ATAD3B: variants seen among roughly 807,000 people sequenced by gnomAD.
ATAD3B encodes the protein ATPase family AAA domain-containing protein 3B.
Under a neutral mutation model 70.2 loss-of-function variants are expected in ATAD3B, and 59 were observed. The observed-to-expected ratio is 0.84, with a 90% confidence interval of 0.68 to 1.04. The LOEUF is 1.04. Ranked by LOEUF, ATAD3B falls within the 50% of genes least tolerant of loss-of-function variation. ATAD3B has a pLI of 0.00. For missense variants in ATAD3B, 961 were observed against 913.4 expected (o/e 1.05, Z -0.67); for synonymous variants, 423 against 388.6 (o/e 1.09, Z -1.04).
At chr1:1,489,546 T>C (rs1640417007) in intron 13 of ATAD3B, 7 of 1,001,704 alleles carry the variant, frequency 7.0e-6, no homozygotes, top group Non-Finnish European at 1.0e-5. Context: ...GCCCCTAGAT[T>C]TCTGCGGTCC....
chr1:1,485,583 A>G (rs1331181224), intron 8 of ATAD3B, among the ~76,000 whole-genome samples, 199 bp from the exon 9 acceptor site: 3 of 152,078 alleles, frequency 2.0e-5, no homozygotes, highest in African/African-American at 7.2e-5. Context: ...ATAAAAGCCA[A>G]TAAGGAACCG....
Position 1,471,807 on chromosome 1 carries a change from T to C in ATAD3B, c.-78T>C. 3.3e-6 allele frequency: 4 copies of C among 1,224,808 alleles called. No individual in the cohort carries two copies. The highest frequency in any genetic ancestry group is 4.1e-6 in the Non-Finnish European group (4 of 981,648). 75.9% of individuals were successfully genotyped at this position (1,224,808 alleles called of 1,614,324 possible). ...GTCCTGGCCACCGGCTCGCGGCGCG[T>C]GGAGGCTGCTCCCAGCCGCGCCCGA... is the stretch of plus-strand genomic sequence containing the variant. On this transcript the variant is annotated 5_prime_UTR_variant, in exon 1 of 16. Transcript: ENST00000673477.
intron 15 of ATAD3B, among the ~76,000 whole-genome samples, chr1:1,491,029 C>G (rs961874970): frequency 3.3e-5 from 5 of 151,948 alleles, no homozygotes; most frequent in African/African-American, 7.2e-5. Flanking sequence ...GGACAGGCCC[C>G]GTGTGAGTTG....
At chr1:1,476,339 T>A (rs1251665470) in intron 1 of ATAD3B, among the ~76,000 whole-genome samples, 5 of 148,662 alleles carry the variant, frequency 3.4e-5, no homozygotes, top group Non-Finnish European at 5.9e-5. Flanking sequence ...CTCCAAAAAT[T>A]ACACCTGAGC....
At chr1:1,505,880 T>A in the ATAD3B span, among the ~76,000 whole-genome samples, 2 of 152,212 alleles carry the variant, frequency 1.3e-5, no homozygotes, top group African/African-American at 4.8e-5. Flanking sequence ...ACTATTCCTA[T>A]TTTATATATT....
At chr1:1,483,471 A>G (rs1570235375) in intron 7 of ATAD3B, 1 of 200,612 alleles carries the variant, frequency 5.0e-6, no homozygotes, top group East Asian at 1.8e-4. Context: ...CTGTCTCAAA[A>G]AAACAAACAA....
chr1:1,491,534 T>G (rs1348914418), intron 15 of ATAD3B, among the ~76,000 whole-genome samples: 2 of 151,632 alleles, frequency 1.3e-5, no homozygotes, highest in East Asian at 3.9e-4. Context: ...CATCTCAAAA[T>G]AAAAGAAAGC....
chr1:1,492,828 A>G (rs1167391354), intron 15 of ATAD3B, among the ~76,000 whole-genome samples: 4 of 151,604 alleles, frequency 2.6e-5, no homozygotes, highest in Non-Finnish European at 4.4e-5. Flanking sequence ...AGTCCCAGCT[A>G]CTCAGGAGGC....
In ATAD3B at chr1:1,489,786, C is replaced by T. The variant is rs936257164; in HGVS notation, c.1338-471C>T. The T allele has an allele frequency of 1.5e-5, 19 of 1,294,988 alleles. 2 individuals are homozygous for T. The highest frequency in any genetic ancestry group is 3.0e-5 in the African/African-American group (2 of 65,680). The allele number at this position is 1,294,988 out of a possible 1,614,324, so 80.2% of individuals were successfully genotyped here. ...GGCTCCTGGGTCAGCTGCTGCCGTT[C>T]GACGCTCCCTGGAGCCCTGACTCAG... On this transcript the variant is annotated intron_variant, in intron 13 of 15. Transcript: ENST00000673477.
chr1:1,473,394 C>T (rs1557788788), intron 1 of ATAD3B, among the ~76,000 whole-genome samples: 1 of 150,862 alleles, frequency 6.6e-6, no homozygotes, highest in Non-Finnish European at 1.5e-5. Flanking sequence ...TTAGTAGAGA[C>T]GGGGTTTCAC....
intron 7 of ATAD3B, chr1:1,483,132 A>G (rs1640012879): frequency 4.9e-6 from 2 of 407,328 alleles, no homozygotes; most frequent in Admixed American, 3.0e-5. Flanking sequence ...TCTACTAAAA[A>G]AAAGAAAAAA....
chr1:1,482,270 C>T lies in ATAD3B; in HGVS notation c.647C>T (p.Ser216Phe), dbSNP rs1484692742. 1.2e-5 allele frequency: 20 copies of T among 1,610,808 alleles called. No homozygotes were observed. Among genetic ancestry groups the T allele is most frequent in the Non-Finnish European group, 1.7e-5 (20 of 1,179,260 alleles). Residue 216 changes from serine (S) to phenylalanine (F), a missense_variant, in exon 6 of 16, where the codon TCC (serine) becomes TTC (phenylalanine). Physicochemically the swap from Ser to Phe is radical, Grantham distance 155. Around this residue, in one of 4 missense-constraint regions of ATAD3B, gnomAD observed 349 missense variants for 307.5 expected, o/e 1.14. Transcript: ENST00000673477. ...IIREQIRLKA[S>F]EHRQTVLESI... ...CGCGAGCAGATCCGCCTGAAGGCGT[C>T]CGAGCACCGTCAGACCGTCTTGGAG...
In ATAD3B at chr1:1,487,834, G is replaced by A. The variant is rs373211432; in HGVS notation, c.1215-29G>A. On this transcript the variant is annotated intron_variant, in intron 11 of 15. Transcript: ENST00000673477. ...GTGGGCTGCTCCTGGCGTCACTCTC[G>A]CCTTGCTTGGCCTCTCTCTCGTTCA... The A allele has an allele frequency of 1.2e-5, 20 of 1,611,292 alleles. No individual in the cohort carries two copies. In the African/African-American group the frequency reaches 1.3e-4, roughly 11 times the overall value.
At chr1:1,485,668 G>C (rs2100569864) in intron 8 of ATAD3B, 114 bp from the exon 9 acceptor site, 2 of 1,508,812 alleles carry the variant, frequency 1.3e-6, no homozygotes, top group African/African-American at 1.4e-5. Flanking sequence ...GCCGGTCCTG[G>C]CTGTGCTTTG....
At chr1:1,504,147 C>G in the ATAD3B span, among the ~76,000 whole-genome samples, 1 of 151,718 alleles carries the variant, frequency 6.6e-6, no homozygotes, top group South Asian at 2.1e-4. Context: ...ACCACCACAC[C>G]CGGCTAATTT....
chr1:1,478,040 C>T (rs1163868390), intron 2 of ATAD3B: 4 of 96,966 alleles, frequency 4.1e-5, no homozygotes, highest in Non-Finnish European at 8.6e-5. Context: ...GTCACTCTGT[C>T]CCCCAGTCTG....
At chr1:1,488,309 G>A (rs1369755314) in intron 12 of ATAD3B, among the ~76,000 whole-genome samples, 2 of 151,856 alleles carry the variant, frequency 1.3e-5, no homozygotes, top group Non-Finnish European at 2.9e-5. Context: ...GAGTGCAGGG[G>A]CGACATCTCC....
At position 1,478,106 on chromosome 1, in the gene ATAD3B, C is replaced by CCGAG. The variant is rs1639693332; in HGVS notation, c.283-537_283-536insGAGC. The CCGAG allele has an allele frequency of 2.0e-5, 4 of 199,564 alleles. No individual in the cohort carries two copies. The East Asian group carries it at 5.1e-4, about 26-fold the overall frequency. 12.4% of individuals were successfully genotyped at this position (199,564 alleles called of 1,614,324 possible). A position where few individuals can be genotyped will look rare whatever the true frequency, so the allele number is the denominator to read the frequency against. ...AACCTCCACCTCCCGGGTTCAACCT[C>CCGAG]CTGCCTCAGCCTTCCGAGCAGCTGG... On this transcript the variant is annotated intron_variant, in intron 2 of 15. Coordinates refer to ENST00000673477, the MANE Select transcript of ATAD3B (RefSeq NM_031921.6).
chr1:1,487,953 G>T, intron 12 of ATAD3B, 39 bp downstream of exon 12: 1 of 1,610,756 alleles, frequency 6.2e-7, no homozygotes, highest in Non-Finnish European at 8.5e-7. Context: ...ACAGGAGGGT[G>T]GTCGGGTGGG....
Sources: gnomAD v4.1 joint callset for allele counts (sites outside exome capture counted in the v4.1 genomes callset) on GRCh38, gnomAD v4.1.1 for gene constraint, gnomAD v4.1.1 regional missense constraint, MANE v1.5 for transcripts, NCBI Gene and HGNC (gene_info 2026-07-23, HGNC 2026-07-21) for gene names.